The following CCDC91 variants were observed in gnomAD, a reference collection of about 807,000 sequenced individuals.
CCDC91 encodes coiled-coil domain containing 91.
A neutral mutation model predicts 63.2 loss-of-function variants in CCDC91; 48 were observed. The observed-to-expected ratio is 0.76, with a 90% confidence interval of 0.60 to 0.97. The LOEUF is 0.97. Ranked by LOEUF, CCDC91 falls within the 50% of genes least tolerant of loss-of-function variation. The pLI is 0.00. For missense variants in CCDC91, 500 were observed against 494.6 expected, an observed-to-expected ratio of 1.01 and a Z score of -0.10; for synonymous variants, 167 against 165.8, an observed-to-expected ratio of 1.01 and a Z score of -0.06.
rs541693833 is a variant in CCDC91, at chr12:28,306,889, T to C, written c.415T>C (p.Ser139Pro). 1 of 1,612,086 alleles carries C rather than the reference T, an allele frequency of 6.2e-7. No individual in the cohort carries two copies. The highest frequency in any genetic ancestry group is 1.1e-5 in the South Asian group (1 of 91,012). The change falls in exon 5 of 13, where the codon TCA (serine) becomes CCA (proline). Residue 139 changes from serine (S) to proline (P), a missense_variant. By Grantham distance (74) the Ser-to-Pro change is moderately conservative (BLOSUM62 -1). Coordinates refer to ENST00000536442, the MANE Select transcript of CCDC91 (RefSeq NM_018318.5). ...TAACATACAGCTTCAGCAAAAAATT[T>C]CAAGTCTGGAGATTAAACTCAAAGT... ...VSNIQLQQKI[S>P]SLEIKLKVSE...
intron 8 of CCDC91, among the ~76,000 whole-genome samples, chr12:28,402,642 T>A (rs1414388635): frequency 5.3e-5 from 8 of 151,876 alleles, no homozygotes; most frequent in Non-Finnish European, 8.8e-5. Flanking sequence ...TTTATTTCCT[T>A]TTTTTGTATT....
chr12:28,244,379 C>T (rs1224074855), intron 1 of CCDC91, among the ~76,000 whole-genome samples: 6 of 150,792 alleles, frequency 4.0e-5, no homozygotes, highest in East Asian at 2.0e-4. Context: ...GCATGCTTAT[C>T]ACATGTTCTG....
chr12:28,478,034 G>GCCCAAGGTAATTT (rs1292586876), intron 11 of CCDC91, among the ~76,000 whole-genome samples: 4 of 152,098 alleles, frequency 2.6e-5, no homozygotes, highest in Non-Finnish European at 5.9e-5. Context: ...TGGCCATACT[G>GCCCAAGGTAATTT]CCCAAGGTAA....
chr12:28,415,527 G>A (rs556412567), intron 8 of CCDC91, among the ~76,000 whole-genome samples: 49 of 152,136 alleles, frequency 3.2e-4, no homozygotes, highest in Non-Finnish European at 5.9e-4. Flanking sequence ...GCTGTAAAGC[G>A]GATTTTAAAA....
intron 8 of CCDC91, among the ~76,000 whole-genome samples, chr12:28,396,398 A>G (rs1362392497): frequency 6.6e-6 from 1 of 152,222 alleles, no homozygotes; most frequent in African/African-American, 2.4e-5. Flanking sequence ...ACATTTGTTC[A>G]GATTTGCATT....
At chr12:28,313,752 G>A (rs1939563664) in intron 6 of CCDC91, among the ~76,000 whole-genome samples, 2 of 151,910 alleles carry the variant, frequency 1.3e-5, no homozygotes, top group South Asian at 4.1e-4. Context: ...TTCTGTCCAG[G>A]GTGTGTAGCC....
chr12:28,262,081 TA>T (rs1946855565), intron 3 of CCDC91, among the ~76,000 whole-genome samples: 1 of 151,984 alleles, frequency 6.6e-6, no homozygotes, highest in Non-Finnish European at 1.5e-5. Flanking sequence ...GGAAGTTGTT[TA>T]GGTGAGTGTG....
At chr12:28,198,722 A>G (rs1241109328) in intron 1 of CCDC91, among the ~76,000 whole-genome samples, 1 of 152,142 alleles carries the variant, frequency 6.6e-6, no homozygotes, top group Non-Finnish European at 1.5e-5. Context: ...GCAATTTCTG[A>G]CTTATGAGTG....
At chr12:28,483,430 T>C (rs1406648951) in intron 11 of CCDC91, among the ~76,000 whole-genome samples, 1 of 152,112 alleles carries the variant, frequency 6.6e-6, no homozygotes, top group African/African-American at 2.4e-5. Context: ...TTAGTTTGCT[T>C]TCTGTATTTG....
At chr12:28,297,209 A>AT (rs1181535194) in intron 3 of CCDC91, among the ~76,000 whole-genome samples, 83 of 151,810 alleles carry the variant, frequency 5.5e-4, no homozygotes, top group Non-Finnish European at 5.9e-5. Context: ...GTGCATGGCT[A>AT]TTTTTACCCA....
intron 1 of CCDC91, among the ~76,000 whole-genome samples, chr12:28,201,499 C>T (rs1458596530): frequency 2.2e-5 from 3 of 135,074 alleles, no homozygotes; most frequent in East Asian, 4.0e-4. Context: ...TCGTCACTTC[C>T]TAGATGGGAT....
intron 12 of CCDC91, among the ~76,000 whole-genome samples, chr12:28,512,663 C>A (rs1939502800): frequency 6.6e-6 from 1 of 151,868 alleles, no homozygotes; most frequent in Non-Finnish European, 1.5e-5. Context: ...GCCTACTAAG[C>A]CTGAAATATG....
intron 1 of CCDC91, among the ~76,000 whole-genome samples, chr12:28,252,613 C>T (rs1230399162): frequency 6.6e-6 from 1 of 152,072 alleles, no homozygotes; most frequent in African/African-American, 2.4e-5. Context: ...GAAATTAGGG[C>T]ATCCTGTTCG....
At chr12:28,430,784 T>C (rs1308071837) in intron 8 of CCDC91, among the ~76,000 whole-genome samples, 2 of 152,180 alleles carry the variant, frequency 1.3e-5, no homozygotes, top group African/African-American at 2.4e-5. Flanking sequence ...AAGTTCCTTA[T>C]GTAATTTGTG....
chr12:28,457,886 G>T (rs1334109214), intron 11 of CCDC91, among the ~76,000 whole-genome samples: 1 of 151,942 alleles, frequency 6.6e-6, no homozygotes, highest in Non-Finnish European at 1.5e-5. Flanking sequence ...GGCAAAAAGA[G>T]GATAGTCATT....
At chr12:28,445,277 G>A (rs1220394598) in intron 8 of CCDC91, among the ~76,000 whole-genome samples, 36 of 152,032 alleles carry the variant, frequency 2.4e-4, no homozygotes. Flanking sequence ...TGGATTTGGT[G>A]AATTAAAACA....
intron 6 of CCDC91, among the ~76,000 whole-genome samples, chr12:28,312,789 C>T (rs141263683): frequency 5.3e-4 from 81 of 152,016 alleles, no homozygotes; most frequent in Non-Finnish European, 1.0e-3. Context: ...AAATGTCTCA[C>T]GAGATCTGAT....
chr12:28,489,355 G>T (rs531164659), intron 12 of CCDC91, among the ~76,000 whole-genome samples: 1 of 151,954 alleles, frequency 6.6e-6, no homozygotes, highest in African/African-American at 2.4e-5. Context: ...AGATGGGAAA[G>T]AATACATCCC....
chr12:28,549,504 C>T lies in CCDC91; in HGVS notation c.*331C>T, dbSNP rs1244338414. On this transcript the variant is annotated 3_prime_UTR_variant, in exon 13 of 13. Coordinates refer to ENST00000536442, the MANE Select transcript of CCDC91 (RefSeq NM_018318.5). Reference sequence around the variant, plus strand: ...TGGGAGTCTATTATATATTATTTTGCAAAAGTAGTAAATATATTATTGTTT... The same window carrying T: ...TGGGAGTCTATTATATATTATTTTGTAAAAGTAGTAAATATATTATTGTTT... 1.2e-5 allele frequency: 2 copies of T among 161,620 alleles called. No individual in the cohort carries two copies. Among genetic ancestry groups the T allele is most frequent in the Non-Finnish European group, 1.3e-5 (1 of 74,380 alleles). The allele number at this position is 161,620 out of a possible 1,614,324, so 10.0% of individuals were successfully genotyped here.
Sources: gnomAD v4.1 joint callset for allele counts (sites outside exome capture counted in the v4.1 genomes callset) on GRCh38, gnomAD v4.1.1 for gene constraint, MANE v1.5 for transcripts, NCBI Gene and HGNC (gene_info 2026-07-23, HGNC 2026-07-21) for gene names.